Variants in HMCN1 observed in about 807,000 individuals in gnomAD.
HMCN1 encodes the protein hemicentin-1.
Under a neutral mutation model 625.9 loss-of-function variants are expected in HMCN1, and 321 were observed. The observed-to-expected ratio is 0.51, with a 90% CI of 0.47 to 0.56. The LOEUF (loss-of-function observed/expected upper bound fraction) is 0.56. Ranked by LOEUF, HMCN1 falls within the 20% of genes least tolerant of loss-of-function variation. The pLI, the probability that HMCN1 is intolerant of heterozygous loss-of-function variation, is 0.00. For missense variants in HMCN1, 6,588 were observed against 6,887.3 expected (o/e 0.96, Z 1.54); for synonymous variants, 2,425 against 2,417.6 (o/e 1.00, Z -0.09).
At chr1:185,934,075 A>G (rs975231544) in intron 11 of HMCN1, among the ~76,000 whole-genome samples, 31 of 152,340 alleles carry the variant, frequency 2.0e-4, no homozygotes, top group African/African-American at 6.7e-4. Flanking sequence ...ATTTTAAAAC[A>G]ATATAAAAAT....
intron 2 of HMCN1, among the ~76,000 whole-genome samples, chr1:185,858,339 G>C (rs1662603058): frequency 6.6e-6 from 1 of 152,002 alleles, no homozygotes; most frequent in South Asian, 2.1e-4. Flanking sequence ...CATCATAAAT[G>C]TTTATGGATT....
intron 52 of HMCN1, among the ~76,000 whole-genome samples, chr1:186,073,837 A>AG (rs927731659): frequency 9.9e-5 from 15 of 152,022 alleles, no homozygotes; most frequent in African/African-American, 3.4e-4. Context: ...AAAACTAGGA[A>AG]GTGATAGTCA....
At chr1:185,836,019 A>AG (rs1247341946) in intron 1 of HMCN1, among the ~76,000 whole-genome samples, 1 of 152,208 alleles carries the variant, frequency 6.6e-6, no homozygotes, top group East Asian at 1.9e-4. Context: ...GGATTGAAAA[A>AG]GAATACCATA....
intron 40 of HMCN1, among the ~76,000 whole-genome samples, chr1:186,043,362 A>T (rs1438787578): frequency 6.6e-6 from 1 of 152,172 alleles, no homozygotes; most frequent in African/African-American, 2.4e-5. Context: ...ATGTTTTGGT[A>T]ATATATATCC....
intron 93 of HMCN1, among the ~76,000 whole-genome samples, chr1:186,149,476 T>G (rs10911832): frequency 0.11 from 16,112 of 152,266 alleles, 890 homozygotes; most frequent in Non-Finnish European, 0.12. Context: ...TAGTCTGGAT[T>G]GGGCTTTGGC....
At chr1:185,784,112 A>G (rs1168955282) in intron 1 of HMCN1, among the ~76,000 whole-genome samples, 1 of 152,222 alleles carries the variant, frequency 6.6e-6, no homozygotes, top group African/African-American at 2.4e-5. Flanking sequence ...CTGCTGTGCT[A>G]GCAATGAGCA....
chr1:186,167,946 A>G (rs193014660), intron 100 of HMCN1, among the ~76,000 whole-genome samples: 3 of 152,246 alleles, frequency 2.0e-5, no homozygotes, highest in East Asian at 3.9e-4. Flanking sequence ...AGGATTTTTC[A>G]TAGAGGAAAA....
chr1:185,827,867 A>C (rs377151902), intron 1 of HMCN1, among the ~76,000 whole-genome samples: 1 of 152,266 alleles, frequency 6.6e-6, no homozygotes, highest in Non-Finnish European at 1.5e-5. Flanking sequence ...GCCAAGAAGA[A>C]TGTCTCTTGT....
Position 186,052,954 on chromosome 1 carries a change from C to T in HMCN1, c.6580C>T (p.Pro2194Ser). The stretch of plus-strand genomic sequence containing the variant: ...ATCATATTTTTATTTTTTTCTAGTC[C>T]CCCCAAATATTGGTGGTTCTGATGA... ...EKNYNVNIWV[P>S]PNIGGSDELT... The change falls in exon 43 of 107, where the codon CCC becomes TCC. Residue 2194 changes from proline (P) to serine (S), a missense_variant and splice_region_variant. Physicochemically the swap from Pro to Ser is moderately conservative, Grantham distance 74 (BLOSUM62 -1). This residue lies in a region of HMCN1 where 4,628 missense variants were observed against 4,853.1 expected (regional missense o/e 0.95). Coordinates refer to ENST00000271588, the MANE Select transcript of HMCN1 (RefSeq NM_031935.3). The T allele has an allele frequency of 6.2e-7, 1 of 1,600,230 alleles. No homozygotes were observed. Among genetic ancestry groups the T allele is most frequent in the Non-Finnish European group, 8.6e-7 (1 of 1,168,814 alleles).
chr1:186,062,686 A>G (rs897303401), intron 48 of HMCN1, 86 bp downstream of exon 48: 7 of 855,718 alleles, frequency 8.2e-6, no homozygotes, highest in East Asian at 2.6e-5. Flanking sequence ...AATTTTTTAT[A>G]TATTTAGGGG....
At chr1:186,160,648 A>C (rs1281894950) in intron 97 of HMCN1, among the ~76,000 whole-genome samples, 3 of 152,170 alleles carry the variant, frequency 2.0e-5, no homozygotes, top group Admixed American at 6.5e-5. Flanking sequence ...TTCAAAGAAC[A>C]TCTTTATTTC....
intron 54 of HMCN1, among the ~76,000 whole-genome samples, chr1:186,077,562 G>A (rs971042189): frequency 1.3e-5 from 2 of 151,986 alleles, no homozygotes; most frequent in African/African-American, 4.8e-5. Flanking sequence ...TAAGGCAAAT[G>A]GAGTGAAATA....
At chr1:186,164,365 G>A (rs1651736903) in intron 97 of HMCN1, among the ~76,000 whole-genome samples, 2 of 150,832 alleles carry the variant, frequency 1.3e-5, no homozygotes, top group Non-Finnish European at 2.9e-5. Context: ...TCAGTCTCCT[G>A]AGTAGCTGGG....
At chr1:185,858,462 C>T (rs963500641) in intron 2 of HMCN1, among the ~76,000 whole-genome samples, 1 of 151,576 alleles carries the variant, frequency 6.6e-6, no homozygotes, top group African/African-American at 2.4e-5. Context: ...GAGTCTTACT[C>T]TGTAGCCCAG....
chr1:186,040,025 T>G, intron 39 of HMCN1, 146 bp downstream of exon 39: 1 of 792,240 alleles, frequency 1.3e-6, no homozygotes. Flanking sequence ...ATAAACACCA[T>G]GGACACATAA....
At chr1:186,106,816 T>G in intron 69 of HMCN1, 68 bp from the exon 70 acceptor site, 1 of 1,105,386 alleles carries the variant, frequency 9.0e-7, no homozygotes, top group Non-Finnish European at 1.4e-6. Flanking sequence ...TTCATTCTAG[T>G]GGATATTTAT....
chr1:185,967,116 A>C (rs1050118474), intron 14 of HMCN1, among the ~76,000 whole-genome samples: 8 of 152,198 alleles, frequency 5.3e-5, no homozygotes, highest in African/African-American at 1.7e-4. Context: ...AAATATATCA[A>C]GAAAATATGT....
intron 4 of HMCN1, among the ~76,000 whole-genome samples, chr1:185,894,405 A>G (rs1033136862): frequency 2.6e-5 from 4 of 152,246 alleles, no homozygotes; most frequent in African/African-American, 9.6e-5. Flanking sequence ...GTTGATATAT[A>G]CATGGGTAAT....
At chr1:185,918,896 AAGCCATG>A (rs1216564464) in intron 6 of HMCN1, among the ~76,000 whole-genome samples, 1 of 152,122 alleles carries the variant, frequency 6.6e-6, no homozygotes, top group African/African-American at 2.4e-5. Context: ...TTATCTACAG[AAGCCATG>A]AGGTTAGGGT....
Sources: gnomAD v4.1 joint callset for allele counts (sites outside exome capture counted in the v4.1 genomes callset) on GRCh38, gnomAD v4.1.1 for gene constraint, gnomAD v4.1.1 regional missense constraint, MANE v1.5 for transcripts, NCBI Gene and HGNC (gene_info 2026-07-23, HGNC 2026-07-21) for gene names.